The following CCDC85A variants were observed in gnomAD, a reference collection of about 807,000 sequenced individuals.
The protein encoded by CCDC85A is coiled-coil domain-containing protein 85A.
CCDC85A carries 38 observed loss-of-function variants against 50.2 expected under a neutral mutation model. The ratio of observed to expected loss-of-function variants is 0.76; its 90% CI spans 0.58 to 0.99. The LOEUF is 0.99. Among genes scored for constraint, CCDC85A ranks in the 50% least tolerant of loss-of-function variants. The probability of loss-of-function intolerance (pLI) is 0.00; values close to 1 mark genes in which losing one functional copy is unlikely to be tolerated. For synonymous variants in CCDC85A, 366 were observed against 301.4 expected (o/e 1.21, Z -2.22); for missense variants, 820 against 742.0 (o/e 1.11, Z -1.22).
chr2:56,375,697 T>C, intron 4 of CCDC85A, 119 bp from the exon 5 acceptor site: 1 of 999,676 alleles, frequency 1.0e-6, no homozygotes, highest in South Asian at 1.4e-5. Context: ...TAGACTAGGT[T>C]AGGAAAAAGT....
chr2:56,375,796 G>A lies in CCDC85A; in HGVS notation c.1453-20G>A. The A allele has an allele frequency of 6.2e-7, 1 of 1,611,712 alleles. No homozygotes were observed. Among genetic ancestry groups the A allele is most frequent in the Non-Finnish European group, 8.5e-7 (1 of 1,179,184 alleles). On this transcript the variant is annotated intron_variant, in intron 4 of 5. Transcript: ENST00000407595. ...AAACGACTTTTGTTTTAATAACAAA[G>A]TTGTTGATTTTCTACTAAGGGTTCT...
rs1431599908 is a variant in CCDC85A at position 56,299,796 on chromosome 2, G to A, written c.1241-43083G>A. ...AAAGTAATATTACCCATGATTCCCTGCCACTGTCCTCAGGAAATCAGCTGG... is the reference window on the plus strand; with the variant it reads ...AAAGTAATATTACCCATGATTCCCTACCACTGTCCTCAGGAAATCAGCTGG... On this transcript the variant is annotated intron_variant, in intron 2 of 5. Transcript: ENST00000407595. Among the ~76,000 whole-genome samples the A allele has an allele frequency of 2.0e-5, 3 of 152,118 alleles. No individual in the cohort carries two copies. In the East Asian group the frequency reaches 5.8e-4, roughly 29 times the overall value.
In CCDC85A at chr2:56,246,226, A is replaced by G. The variant is rs367943572; in HGVS notation, c.1240+52786A>G. ...GGAGTGAGCCACCACGCCCGGCCCA[A>G]GTTATTTGTCTCTAATGTTTGAGTT... On this transcript the variant is annotated intron_variant, in intron 2 of 5. Transcript: ENST00000407595. Among the ~76,000 whole-genome samples, 16 of 152,236 alleles carry G rather than the reference A, an allele frequency of 1.1e-4. No homozygotes were observed. In the East Asian group the frequency reaches 3.1e-3, roughly 29 times the overall value.
intron 2 of CCDC85A, among the ~76,000 whole-genome samples, chr2:56,260,491 A>G (rs1670173840): frequency 6.6e-6 from 1 of 152,222 alleles, no homozygotes; most frequent in Non-Finnish European, 1.5e-5. Context: ...CAAACATGAT[A>G]AATTTGTCCA....
chr2:56,384,185 T>C, intron 5 of CCDC85A, 81 bp from the exon 6 acceptor site: 1 of 1,260,762 alleles, frequency 7.9e-7, no homozygotes, highest in South Asian at 1.2e-5. Flanking sequence ...TTCGCTCCTC[T>C]CTTAATTTAC....
chr2:56,375,203 G>C (rs1486307762), intron 4 of CCDC85A, among the ~76,000 whole-genome samples: 2 of 152,142 alleles, frequency 1.3e-5, no homozygotes, highest in African/African-American at 2.4e-5. Flanking sequence ...ACAGGTTCTA[G>C]TTTCTCACCA....
chr2:56,249,568 T>G (rs950708436), intron 2 of CCDC85A, among the ~76,000 whole-genome samples: 3 of 152,258 alleles, frequency 2.0e-5, no homozygotes, highest in African/African-American at 4.8e-5. Flanking sequence ...TCAGCAGCTT[T>G]ATTTAGATCA....
intron 2 of CCDC85A, among the ~76,000 whole-genome samples, chr2:56,196,371 A>G (rs910150813): frequency 2.6e-5 from 4 of 152,250 alleles, no homozygotes; most frequent in African/African-American, 4.8e-5. Context: ...GCATTTGTCC[A>G]TTCATTCAAA....
chr2:56,277,925 G>C (rs1351667906), intron 2 of CCDC85A, among the ~76,000 whole-genome samples: 1 of 152,236 alleles, frequency 6.6e-6, no homozygotes, highest in African/African-American at 2.4e-5. Context: ...TGGACCAACA[G>C]AGCAGCATGC....
intron 2 of CCDC85A, among the ~76,000 whole-genome samples, chr2:56,255,902 G>C (rs1264654269): frequency 6.6e-6 from 1 of 152,136 alleles, no homozygotes; most frequent in Non-Finnish European, 1.5e-5. Context: ...GTTAACATTG[G>C]TAACAAGGAG....
At chr2:56,289,101 T>G (rs1299498805) in intron 2 of CCDC85A, among the ~76,000 whole-genome samples, 1 of 152,164 alleles carries the variant, frequency 6.6e-6, no homozygotes, top group African/African-American at 2.4e-5. Context: ...GTAGTTAGCA[T>G]GCCAAATGAA....
chr2:56,207,375 G>T (rs553964922), intron 2 of CCDC85A, among the ~76,000 whole-genome samples: 53 of 152,090 alleles, frequency 3.5e-4, no homozygotes, highest in Non-Finnish European at 3.8e-4. Context: ...TGACTGGTTT[G>T]TTTGTTCCCA....
At chr2:56,185,635 T>C (rs756567484) in intron 1 of CCDC85A, 1 of 152,298 alleles carries the variant, frequency 6.6e-6, no homozygotes, top group Non-Finnish European at 1.5e-5. Flanking sequence ...TGTTGGTCAG[T>C]GATGGTTTCT....
chr2:56,225,171 T>C (rs777159247), intron 2 of CCDC85A, among the ~76,000 whole-genome samples: 5 of 152,196 alleles, frequency 3.3e-5, no homozygotes, highest in Non-Finnish European at 5.9e-5. Context: ...GAAAATACTA[T>C]TTACTCCTGA....
intron 3 of CCDC85A, among the ~76,000 whole-genome samples, chr2:56,367,100 C>T (rs543576222): frequency 6.6e-6 from 1 of 152,172 alleles, no homozygotes; most frequent in East Asian, 1.9e-4. Flanking sequence ...ATAATTTCCA[C>T]AGAGCCCCTT....
intron 2 of CCDC85A, among the ~76,000 whole-genome samples, chr2:56,299,781 TA>T (rs1672117817): frequency 6.6e-6 from 1 of 152,154 alleles, no homozygotes. Context: ...AAAGTAATAT[TA>T]CCCATGATTC....
At chr2:56,231,472 C>T (rs920595958) in intron 2 of CCDC85A, among the ~76,000 whole-genome samples, 1 of 152,136 alleles carries the variant, frequency 6.6e-6, no homozygotes, top group East Asian at 1.9e-4. Flanking sequence ...GGAAAAGAGA[C>T]ACATTCTTAA....
rs115318368 is a variant in CCDC85A at position 56,373,677 on chromosome 2, G to A, written c.1452+1199G>A. Among the ~76,000 whole-genome samples the A allele has an allele frequency of 9.4e-3, 1,427 of 152,348 alleles. 7 individuals are homozygous for A. Among genetic ancestry groups the A allele is most frequent in the South Asian group, 0.014 (70 of 4,828 alleles). On this transcript the variant is annotated intron_variant, in intron 4 of 5. Coordinates refer to ENST00000407595, the MANE Select transcript of CCDC85A (RefSeq NM_001080433.2). ...GAAGGAAGTAGCTCAGAGTGGGAAGGTTTATTGCCTTCTAAATTAGAGGAA... is the reference window on the plus strand; with the variant it reads ...GAAGGAAGTAGCTCAGAGTGGGAAGATTTATTGCCTTCTAAATTAGAGGAA...
intron 2 of CCDC85A, among the ~76,000 whole-genome samples, chr2:56,334,877 G>A (rs899116098): frequency 1.3e-5 from 2 of 152,180 alleles, no homozygotes; most frequent in Non-Finnish European, 2.9e-5. Context: ...ATTTCTGCAT[G>A]GGAGGAGGGG....
Sources: allele counts gnomAD v4.1 joint callset (sites outside exome capture counted in the v4.1 genomes callset), GRCh38; gene constraint gnomAD v4.1.1; transcripts MANE v1.5; gene names NCBI Gene and HGNC (gene_info 2026-07-23, HGNC 2026-07-21).